Variants in PARP1 observed in about 807,000 individuals in gnomAD.
PARP1 encodes poly(ADP-ribose) polymerase 1, also known as poly [ADP-ribose] polymerase 1.
In PARP1, 44 loss-of-function variants were observed where a neutral mutation model predicts 118.7. That is an observed-to-expected ratio of 0.37 (90% CI 0.29 to 0.48). The LOEUF (loss-of-function observed/expected upper bound fraction) is 0.48. PARP1 is among the 20% of genes least tolerant of loss of function. PARP1 has a pLI of 0.99. For missense variants in PARP1, 1,100 were observed against 1,272.4 expected, an observed-to-expected ratio of 0.86 and a Z score of 2.06; for synonymous variants, 492 against 483.2, an observed-to-expected ratio of 1.02 and a Z score of -0.24.
intron 15 of PARP1, 41 bp from the exon 16 acceptor site, chr1:226,368,362 C>T (rs763594013): frequency 6.2e-7 from 1 of 1,613,400 alleles, no homozygotes; most frequent in Non-Finnish European, 8.5e-7. Context: ...ACTGAGGGAG[C>T]AGCTCCAAGC....
chr1:226,362,762 C>G (rs1664169273), intron 21 of PARP1, among the ~76,000 whole-genome samples: 1 of 152,130 alleles, frequency 6.6e-6, no homozygotes, highest in Non-Finnish European at 1.5e-5. Flanking sequence ...GTGCCTGCAC[C>G]AAGATTCTCC....
chr1:226,366,204 G>A, intron 17 of PARP1, 152 bp from the exon 18 acceptor site: 1 of 672,858 alleles, frequency 1.5e-6, no homozygotes, highest in East Asian at 2.8e-5. Context: ...CCTGTGGGCT[G>A]GGCAGATCCT....
chr1:226,398,347 T>A lies in PARP1; in HGVS notation c.286+3867A>T, dbSNP rs143328004. 6.6e-3 allele frequency among the ~76,000 whole-genome samples: 1,001 copies of A among 152,128 alleles called. 14 individuals carry two copies. The highest frequency in any genetic ancestry group is 0.023 in the African/African-American group (951 of 41,506). On this transcript the variant is annotated intron_variant, in intron 2 of 22. Coordinates refer to ENST00000366794, the MANE Select transcript of PARP1 (RefSeq NM_001618.4). ...AGCAAAACCAGGAGTTTGAGACCAG[T>A]CTGGGCAACAAGGTGGGGCCCTGTC...
At chr1:226,380,761 T>A (rs1462353863) in intron 9 of PARP1, among the ~76,000 whole-genome samples, 2 of 152,212 alleles carry the variant, frequency 1.3e-5, no homozygotes, top group Non-Finnish European at 2.9e-5. Context: ...ACATTTCCTT[T>A]GAGCATCATG....
chr1:226,401,169 G>A (rs943364266), intron 2 of PARP1, among the ~76,000 whole-genome samples: 2 of 152,232 alleles, frequency 1.3e-5, no homozygotes, highest in South Asian at 2.1e-4. Flanking sequence ...GGGATAAACA[G>A]GGGATTTTTA....
At position 226,377,207 on chromosome 1, in the gene PARP1, G is replaced by A; in HGVS notation, c.1842C>T (p.Phe614=). ...MPSKEDAIEH[F]MKLYEEKTGN... is the part of the protein sequence containing the mutation. ...CGGTTTTTTCTTCATATAATTTCAT[G>A]AAGTGCTCAATGGCATCCTCCTTGG... Residue 614 remains phenylalanine, a synonymous_variant, in exon 13 of 23, where the codon TTC becomes TTT. Coordinates refer to ENST00000366794, the MANE Select transcript of PARP1 (RefSeq NM_001618.4). 6.2e-7 allele frequency: 1 copy of A among 1,614,032 alleles called. No homozygotes were observed. The highest frequency in any genetic ancestry group is 8.5e-7 in the Non-Finnish European group (1 of 1,179,960).
At chr1:226,391,796 G>T (rs528928373) in intron 3 of PARP1, among the ~76,000 whole-genome samples, 1 of 152,278 alleles carries the variant, frequency 6.6e-6, no homozygotes, top group African/African-American at 2.4e-5. Context: ...AGCCTTCAAG[G>T]GCTAGAACTG....
chr1:226,386,504 G>A, intron 5 of PARP1, 62 bp from the exon 6 acceptor site: 1 of 1,063,490 alleles, frequency 9.4e-7, no homozygotes, highest in Non-Finnish European at 1.5e-6. Context: ...CCAACTGGAG[G>A]AGGAGCCCTG....
In PARP1 at chr1:226,386,470, G is replaced by A. The variant is rs200220337; in HGVS notation, c.718-28C>T. On this transcript the variant is annotated intron_variant, in intron 5 of 22. Transcript: ENST00000366794. ...ATGGACAAGACCCAGTGGCTGAGAG[G>A]CTAGCTCTTTTCAAAGGAAGAATCC... 51 of 1,400,654 alleles carry A rather than the reference G, an allele frequency of 3.6e-5. No individual in the cohort carries two copies. In the Middle Eastern group the frequency reaches 2.0e-3, roughly 56 times the overall value. The allele number at this position is 1,400,654 out of a possible 1,614,324, so 86.8% of individuals were successfully genotyped here.
chr1:226,386,555 G>T, intron 5 of PARP1, 113 bp from the exon 6 acceptor site: 1 of 792,270 alleles, frequency 1.3e-6, no homozygotes. Flanking sequence ...GCACCAGCGA[G>T]CTGCCCCTGC....
At chr1:226,399,410 A>C (rs1000424008) in intron 2 of PARP1, among the ~76,000 whole-genome samples, 2 of 152,146 alleles carry the variant, frequency 1.3e-5, no homozygotes, top group African/African-American at 4.8e-5. Context: ...TAGTGAGAGA[A>C]GCCAATCTGA....
At chr1:226,400,665 A>G (rs1009440273) in intron 2 of PARP1, among the ~76,000 whole-genome samples, 2 of 152,138 alleles carry the variant, frequency 1.3e-5, no homozygotes, top group African/African-American at 4.8e-5. Context: ...TTTCAAAACC[A>G]GGGACTGAGA....
chr1:226,390,300 TGACA>T, intron 4 of PARP1, 106 bp downstream of exon 4: 1 of 954,034 alleles, frequency 1.0e-6, no homozygotes, highest in Non-Finnish European at 1.7e-6. Flanking sequence ...CCTGGCTTAC[TGACA>T]GTCAGCGAAG....
intron 13 of PARP1, 36 bp downstream of exon 13, chr1:226,377,072 C>A (rs1558236402): frequency 6.3e-7 from 1 of 1,575,708 alleles, no homozygotes; most frequent in Non-Finnish European, 8.7e-7. Context: ...CTTCCTTTTC[C>A]TAGAAGCAGA....
Position 226,402,351 on chromosome 1 carries a change from T to G in PARP1, c.149A>C (p.His50Pro). ...CCAGAAGCAGGAGAAGTGGTACCAG[T>G]GTGGGACTTTTCCATCAAACATGGG... Reference protein sequence around the residue: ...QSPMFDGKVPHWYHFSCFWKV... With the variant: ...QSPMFDGKVPPWYHFSCFWKV... Residue 50 changes from histidine to proline, a missense_variant, in exon 2 of 23, where the codon CAC becomes CCC. Around this residue, in one of 2 missense-constraint regions of PARP1, gnomAD observed 948 missense variants for 1,031.8 expected, o/e 0.92. Transcript: ENST00000366794. 6.2e-7 allele frequency: 1 copy of G among 1,613,760 alleles called. No homozygotes were observed. The highest frequency in any genetic ancestry group is 8.5e-7 in the Non-Finnish European group (1 of 1,180,030).
At chr1:226,363,329 C>G (rs907915225) in intron 20 of PARP1, among the ~76,000 whole-genome samples, 169 bp from the exon 21 acceptor site, 2 of 152,170 alleles carry the variant, frequency 1.3e-5, no homozygotes, top group African/African-American at 4.8e-5. Context: ...GTTCCAGAAC[C>G]TGAAACTGCA....
intron 22 of PARP1, 176 bp downstream of exon 22, chr1:226,361,793 C>A: frequency 5.9e-6 from 4 of 679,674 alleles, no homozygotes; most frequent in South Asian, 4.9e-5. Context: ...AAGGCTCATA[C>A]CCTGTAAGCC....
chr1:226,400,548 T>C (rs1665014730), intron 2 of PARP1, among the ~76,000 whole-genome samples: 1 of 152,240 alleles, frequency 6.6e-6, no homozygotes, highest in African/African-American at 2.4e-5. Flanking sequence ...CACAGCCTTG[T>C]TCCCTAGCAC....
intron 2 of PARP1, among the ~76,000 whole-genome samples, chr1:226,397,847 A>T (rs973652166): frequency 1.8e-4 from 28 of 152,288 alleles, no homozygotes; most frequent in African/African-American, 6.3e-4. Flanking sequence ...GGGAGCCCAG[A>T]AACAGAGCCA....
Sources: gnomAD v4.1 joint callset for allele counts (sites outside exome capture counted in the v4.1 genomes callset) on GRCh38, gnomAD v4.1.1 for gene constraint, gnomAD v4.1.1 regional missense constraint, MANE v1.5 for transcripts, NCBI Gene and HGNC (gene_info 2026-07-23, HGNC 2026-07-21) for gene names.